Variants in PHLPP1 observed in about 807,000 individuals in gnomAD.
The protein encoded by PHLPP1 is PH domain leucine-rich repeat-containing protein phosphatase 1.
PHLPP1 carries 42 observed loss-of-function variants against 117.2 expected under a neutral mutation model. The ratio of observed to expected loss-of-function variants is 0.36; its 90% CI spans 0.28 to 0.46. The LOEUF (loss-of-function observed/expected upper bound fraction) is 0.46, where lower values mean the gene tolerates loss of function less well. Among genes scored for constraint, PHLPP1 ranks in the 20% least tolerant of loss-of-function variants. The pLI, the probability that PHLPP1 is intolerant of heterozygous loss-of-function variation, is 1.00. For synonymous variants in PHLPP1, 1,042 were observed against 970.7 expected (o/e 1.07, Z -1.37); for missense variants, 2,084 against 2,241.9 (o/e 0.93, Z 1.42).
intron 12 of PHLPP1, among the ~76,000 whole-genome samples, chr18:62,947,649 A>G (rs1910338322): frequency 6.6e-6 from 1 of 152,178 alleles, no homozygotes; most frequent in Non-Finnish European, 1.5e-5. Flanking sequence ...TAGTGTCTGT[A>G]TCTGTCTTTT....
chr18:62,819,486 A>G (rs984235457), intron 1 of PHLPP1, among the ~76,000 whole-genome samples: 1 of 152,234 alleles, frequency 6.6e-6, no homozygotes, highest in African/African-American at 2.4e-5. Context: ...TGGGATAAGT[A>G]GGAAACAAAG....
intron 1 of PHLPP1, among the ~76,000 whole-genome samples, chr18:62,828,185 T>TTTTCTTCTCTCTTA (rs1188544527): frequency 1.3e-5 from 2 of 152,168 alleles, no homozygotes; most frequent in African/African-American, 4.8e-5. Context: ...CTCTCTTACT[T>TTTTCTTCTCTCTTA]CTTCCCCACA....
chr18:62,888,287 ATGTGTGTGTGTGTGTGTGTGTG>A (rs200659921), intron 4 of PHLPP1, among the ~76,000 whole-genome samples: 23 of 130,898 alleles, frequency 1.8e-4, no homozygotes, highest in African/African-American at 4.2e-4. Flanking sequence ...ATTTCACAAA[ATGTGTGTGTGTGTGTGTGTGTG>A]TGTGTGTGTG....
chr18:62,847,841 C>A (rs1235660123), intron 3 of PHLPP1, among the ~76,000 whole-genome samples: 1 of 152,180 alleles, frequency 6.6e-6, no homozygotes, highest in Non-Finnish European at 1.5e-5. Context: ...GACAGTTTTT[C>A]CTTATAAGTG....
rs115900836 is a variant in PHLPP1 at position 62,858,929 on chromosome 18, G to A, written c.1900-1506G>A. On this transcript the variant is annotated intron_variant, in intron 3 of 16. Coordinates refer to ENST00000262719, the MANE Select transcript of PHLPP1 (RefSeq NM_194449.4). ...GTAGAAGTAGGTACCATCTTTATAC[G>A]TGTTATACAGATGAGAAAACTGGAT... is the stretch of plus-strand genomic sequence containing the variant. 6.0e-3 allele frequency among the ~76,000 whole-genome samples: 914 copies of A among 152,180 alleles called. 4 individuals are homozygous for A. The highest frequency in any genetic ancestry group is 0.02 in the African/African-American group (839 of 41,516).
At chr18:62,897,622 T>C (rs1161016384) in intron 6 of PHLPP1, among the ~76,000 whole-genome samples, 2 of 152,322 alleles carry the variant, frequency 1.3e-5, no homozygotes, top group Non-Finnish European at 1.5e-5. Flanking sequence ...TTCTCCTCCC[T>C]CAACCTCCCG....
chr18:62,731,571 G>T (rs1479590557), intron 1 of PHLPP1, among the ~76,000 whole-genome samples: 2 of 152,044 alleles, frequency 1.3e-5, no homozygotes, highest in African/African-American at 4.8e-5. Flanking sequence ...ACCCTATAAA[G>T]GCCTAAGTGT....
chr18:62,976,683 A>G (rs1178883517), intron 16 of PHLPP1, among the ~76,000 whole-genome samples: 1 of 152,228 alleles, frequency 6.6e-6, no homozygotes, highest in Non-Finnish European at 1.5e-5. Flanking sequence ...AATCCCATGT[A>G]TAGCTTGAGT....
intron 13 of PHLPP1, among the ~76,000 whole-genome samples, chr18:62,959,044 A>C (rs1024268613): frequency 6.6e-6 from 1 of 152,226 alleles, no homozygotes; most frequent in Admixed American, 6.5e-5. Context: ...GCTGAAATCC[A>C]GGTTATTTAA....
intron 14 of PHLPP1, among the ~76,000 whole-genome samples, chr18:62,967,336 T>C (rs569289396): frequency 1.3e-5 from 2 of 152,316 alleles, no homozygotes; most frequent in South Asian, 2.1e-4. Context: ...GTTTCCAAAG[T>C]GCCTGTATCA....
chr18:62,940,278 T>C (rs573352075), intron 10 of PHLPP1, among the ~76,000 whole-genome samples: 2 of 151,984 alleles, frequency 1.3e-5, no homozygotes, highest in East Asian at 3.9e-4. Flanking sequence ...GGATTTTTTT[T>C]TTTTTGGGCA....
intron 9 of PHLPP1, among the ~76,000 whole-genome samples, chr18:62,918,559 TA>T (rs1568161417): frequency 6.6e-6 from 1 of 152,046 alleles, no homozygotes; most frequent in African/African-American, 2.4e-5. Flanking sequence ...GTCACACTGA[TA>T]GCTAAACCTG....
At chr18:62,805,547 CTG>C (rs1913925813) in intron 1 of PHLPP1, among the ~76,000 whole-genome samples, 1 of 151,976 alleles carries the variant, frequency 6.6e-6, no homozygotes, top group Non-Finnish European at 1.5e-5. Flanking sequence ...TTTGTAGAGA[CTG>C]AGAGTCTTGC....
intron 3 of PHLPP1, among the ~76,000 whole-genome samples, chr18:62,845,322 C>A (rs1397545396): frequency 6.6e-6 from 1 of 152,084 alleles, no homozygotes; most frequent in African/African-American, 2.4e-5. Context: ...GGGAAAAAGT[C>A]ATTGCAGTGA....
At chr18:62,758,538 A>G (rs1000311155) in intron 1 of PHLPP1, among the ~76,000 whole-genome samples, 1 of 151,074 alleles carries the variant, frequency 6.6e-6, no homozygotes, top group Non-Finnish European at 1.5e-5. Context: ...TAGCAAGCAA[A>G]TAAAAAAAAT....
chr18:62,856,021 A>C (rs1462883176), intron 3 of PHLPP1, among the ~76,000 whole-genome samples: 1 of 152,196 alleles, frequency 6.6e-6, no homozygotes, highest in African/African-American at 2.4e-5. Context: ...GATAGAGAAA[A>C]AATAAGAAAA....
chr18:62,769,255 T>C (rs2144263344), intron 1 of PHLPP1, among the ~76,000 whole-genome samples: 1 of 152,216 alleles, frequency 6.6e-6, no homozygotes, highest in African/African-American at 2.4e-5. Context: ...GACTAAGCCT[T>C]TTAGTATTGT....
chr18:62,811,720 G>A (rs1462290526), intron 1 of PHLPP1, among the ~76,000 whole-genome samples: 5 of 152,052 alleles, frequency 3.3e-5, no homozygotes, highest in Non-Finnish European at 5.9e-5. Context: ...GCTAATTATA[G>A]GAGGTTTTAT....
Position 62,816,673 on chromosome 18 carries a change from A to C in PHLPP1, c.1577-13362A>C, listed in dbSNP as rs183681573. On this transcript the variant is annotated intron_variant, in intron 1 of 16. Transcript: ENST00000262719. Reference sequence around the variant, plus strand: ...TTTTGAAATCTTTGCCAATTAGAGAAGTGGTAAATGGTTGTAGTTTGTTTT... The same window carrying C: ...TTTTGAAATCTTTGCCAATTAGAGACGTGGTAAATGGTTGTAGTTTGTTTT... Among the ~76,000 whole-genome samples the C allele has an allele frequency of 1.6e-4, 25 of 152,126 alleles. No individual in the cohort carries two copies. In the East Asian group the frequency reaches 2.1e-3, roughly 13 times the overall value.
Sources: gnomAD v4.1 joint callset for allele counts (sites outside exome capture counted in the v4.1 genomes callset) on GRCh38, gnomAD v4.1.1 for gene constraint, MANE v1.5 for transcripts, NCBI Gene and HGNC (gene_info 2026-07-23, HGNC 2026-07-21) for gene names.